POLR2D: variants seen among roughly 807,000 people sequenced by gnomAD.
POLR2D encodes DNA-directed RNA polymerase II subunit RPB4.
POLR2D carries 10 observed loss-of-function variants against 17.6 expected under a neutral mutation model. The observed-to-expected ratio is 0.57, with a 90% CI of 0.35 to 0.96. The LOEUF (loss-of-function observed/expected upper bound fraction) is 0.96. Ranked by LOEUF, POLR2D falls within the 40% of genes least tolerant of loss-of-function variation. The pLI, the probability that POLR2D is intolerant of heterozygous loss-of-function variation, is 0.02. For synonymous variants in POLR2D, 52 were observed against 60.2 expected (o/e 0.86, Z 0.63); for missense variants, 126 against 176.4 (o/e 0.71, Z 1.62).
chr2:127,850,651 A>G lies in POLR2D; in HGVS notation c.289T>C (p.Leu97=), dbSNP rs150162073. Residue 97 remains leucine, a synonymous_variant, in exon 3 of 4, where the codon TTG becomes CTG. Coordinates refer to ENST00000272645, the MANE Select transcript of POLR2D (RefSeq NM_004805.4). ...LLQKKLHKFE[L]ACLANLCPET... ...GGGCAAAGGTTGGCCAAACAGGCCAACTCAAACTTATGAAGCTTTTTCTGG... is the reference window on the plus strand; with the variant it reads ...GGGCAAAGGTTGGCCAAACAGGCCAGCTCAAACTTATGAAGCTTTTTCTGG... 142 of 1,587,454 alleles carry G rather than the reference A, an allele frequency of 8.9e-5. No individual in the cohort carries two copies. The highest frequency in any genetic ancestry group is 1.2e-4 in the Non-Finnish European group (137 of 1,165,200).
chr2:127,847,847 C>T lies in POLR2D; in HGVS notation c.*260G>A, dbSNP rs896962666. 1.4e-5 allele frequency: 7 copies of T among 492,924 alleles called. No homozygotes were observed. 30.5% of individuals were successfully genotyped at this position (492,924 alleles called of 1,614,324 possible). A position where few individuals can be genotyped will look rare whatever the true frequency, so the allele number is the denominator to read the frequency against. ...GGTAGTCAACAGTGTGGTTATGTGA[C>T]CCCTCATCTCACACTTCGCAGAGGC... On this transcript the variant is annotated 3_prime_UTR_variant, in exon 4 of 4. Transcript: ENST00000272645.
In POLR2D at chr2:127,850,703, A is replaced by G; in HGVS notation, c.255-18T>C. On this transcript the variant is annotated intron_variant, in intron 2 of 3. Transcript: ENST00000272645. ...GTAGCAAGCTAATCAAAAGGAAAAA[A>G]AAAAAATCAAAATAATCAAAAACAA... The G allele has an allele frequency of 1.7e-6, 2 of 1,148,622 alleles. No individual in the cohort carries two copies. The highest frequency in any genetic ancestry group is 2.6e-6 in the Non-Finnish European group (2 of 781,218). 71.2% of individuals were successfully genotyped at this position (1,148,622 alleles called of 1,614,324 possible).
At chr2:127,848,253 G>A (rs1212418656) in intron 3 of POLR2D, 68 bp from the exon 4 acceptor site, 20 of 953,302 alleles carry the variant, frequency 2.1e-5, no homozygotes, top group Admixed American at 1.2e-4. Flanking sequence ...TCTTTGAGGC[G>A]TGCTAATCTA....
intron 3 of POLR2D, among the ~76,000 whole-genome samples, chr2:127,849,328 A>G (rs1690208797): frequency 6.6e-6 from 1 of 152,168 alleles, no homozygotes; most frequent in South Asian, 2.1e-4. Context: ...GGCTTAAACC[A>G]CTGCGCCCAG....
At chr2:127,855,643 C>A (rs1216098829) in intron 1 of POLR2D, among the ~76,000 whole-genome samples, 1 of 152,148 alleles carries the variant, frequency 6.6e-6, no homozygotes, top group East Asian at 1.9e-4. Flanking sequence ...TACCACAGAG[C>A]TTTTGGGAGG....
At position 127,844,028 on chromosome 2, in the gene POLR2D, T is replaced by C. The variant is rs12692069; in HGVS notation, c.*4079A>G. Reference sequence around the variant, plus strand: ...CTGAGGTGGGATGATCGCTGGAGAGTGGGAGATTGAGGCTGCAGTGAACCT... The same window carrying C: ...CTGAGGTGGGATGATCGCTGGAGAGCGGGAGATTGAGGCTGCAGTGAACCT... On this transcript the variant is annotated 3_prime_UTR_variant, in exon 4 of 4. Coordinates refer to ENST00000272645, the MANE Select transcript of POLR2D (RefSeq NM_004805.4). 0.55 allele frequency: 82,411 copies of C among 148,692 alleles called. 23,172 individuals are homozygous for C. The highest frequency in any genetic ancestry group is 0.72 in the South Asian group (3,393 of 4,694). The allele number at this position is 148,692 out of a possible 1,614,324, so 9.2% of individuals were successfully genotyped here.
In POLR2D at chr2:127,858,064, C is replaced by A. The variant is rs755372179; in HGVS notation, c.37G>T (p.Val13Leu). 33 of 1,552,930 alleles carry A rather than the reference C, an allele frequency of 2.1e-5. No individual in the cohort carries two copies. Among genetic ancestry groups the A allele is most frequent in the Non-Finnish European group, 2.6e-6 (3 of 1,153,502 alleles). The change falls in exon 1 of 4, where the codon GTA becomes TTA. Residue 13 changes from valine (V) to leucine (L), a missense_variant. Around this residue, in one of 2 missense-constraint regions of POLR2D, gnomAD observed 41 missense variants for 24.9 expected, o/e 1.64. Transcript: ENST00000272645. Reference protein sequence around the residue: ...AGGSDPRAGDVEEDASQLIFP... With the variant: ...AGGSDPRAGDLEEDASQLIFP... ...ATGAGCTGTGAGGCGTCCTCCTCTA[C>A]GTCGCCAGCCCGCGGATCGCTGCCA...
At chr2:127,856,889 A>G (rs1690343227) in intron 1 of POLR2D, 1 of 152,100 alleles carries the variant, frequency 6.6e-6, no homozygotes, top group Non-Finnish European at 1.5e-5. Context: ...TACAAAAATT[A>G]GCCGGGTGTG....
At chr2:127,849,347 TC>T (rs1690209064) in intron 3 of POLR2D, among the ~76,000 whole-genome samples, 1 of 152,026 alleles carries the variant, frequency 6.6e-6, no homozygotes, top group Non-Finnish European at 1.5e-5. Context: ...AGCCCAGAGT[TC>T]TTTAATAAGC....
chr2:127,855,836 A>C (rs1690319916), intron 1 of POLR2D, among the ~76,000 whole-genome samples: 1 of 152,236 alleles, frequency 6.6e-6, no homozygotes, highest in Non-Finnish European at 1.5e-5. Context: ...TTATTTAGAA[A>C]CAAAAGGAAA....
Position 127,853,093 on chromosome 2 carries a change from G to C in POLR2D, c.86C>G (p.Ala29Gly). The C allele has an allele frequency of 1.2e-6, 2 of 1,610,846 alleles. No homozygotes were observed. The highest frequency in any genetic ancestry group is 1.7e-6 in the Non-Finnish European group (2 of 1,178,880). ...AACTTCTGAATTTAGAAGTGTCTCA[G>C]CTGTTTCAAACTCTATTTGTAAGAA... ...QLIFPKEFET[A>G]ETLLNSEVHM... Residue 29 changes from alanine (A) to glycine (G), a missense_variant, in exon 2 of 4, where the codon GCT becomes GGT. Physicochemically the swap from Ala to Gly is moderately conservative, Grantham distance 60 (BLOSUM62 0). This residue lies in a region of POLR2D where 85 missense variants were observed against 151.4 expected (regional missense o/e 0.56). Coordinates refer to ENST00000272645, the MANE Select transcript of POLR2D (RefSeq NM_004805.4).
At chr2:127,857,993 G>A in intron 1 of POLR2D, 35 bp downstream of exon 1, 1 of 1,572,704 alleles carries the variant, frequency 6.4e-7, no homozygotes, top group Non-Finnish European at 8.6e-7. Context: ...ACCACGCGAA[G>A]TGGCGCGGGG....
Position 127,858,058 on chromosome 2 carries a change from C to G in POLR2D, c.43G>C (p.Glu15Gln). 6.4e-7 allele frequency: 1 copy of G among 1,561,906 alleles called. No homozygotes were observed. Among genetic ancestry groups the G allele is most frequent in the African/African-American group, 1.4e-5 (1 of 70,582 alleles). Reference sequence around the variant, plus strand: ...GGAAAGATGAGCTGTGAGGCGTCCTCCTCTACGTCGCCAGCCCGCGGATCG... The same window carrying G: ...GGAAAGATGAGCTGTGAGGCGTCCTGCTCTACGTCGCCAGCCCGCGGATCG... ...GSDPRAGDVE[E>Q]DASQLIFPKE... is the part of the protein sequence containing the mutation. Residue 15 changes from glutamate (E) to glutamine (Q), a missense_variant, in exon 1 of 4, where the codon GAG becomes CAG. Around this residue, in one of 2 missense-constraint regions of POLR2D, gnomAD observed 41 missense variants for 24.9 expected, o/e 1.64. Coordinates refer to ENST00000272645, the MANE Select transcript of POLR2D (RefSeq NM_004805.4).
At chr2:127,857,809 G>A (rs546560309) in intron 1 of POLR2D, 14 of 1,314,126 alleles carry the variant, frequency 1.1e-5, no homozygotes, top group African/African-American at 3.1e-5. Context: ...CAGGTCCCCG[G>A]AACTTCGCAG....
At chr2:127,848,692 A>AT in intron 3 of POLR2D, among the ~76,000 whole-genome samples, 1 of 151,120 alleles carries the variant, frequency 6.6e-6, no homozygotes, top group African/African-American at 2.4e-5. Context: ...AATTTTTTGT[A>AT]TTTTTAGTAG....
intron 1 of POLR2D, among the ~76,000 whole-genome samples, chr2:127,855,770 T>C (rs1272998318): frequency 1.3e-5 from 2 of 151,842 alleles, no homozygotes; most frequent in Admixed American, 1.3e-4. Context: ...CCAAGGAACA[T>C]TTTCAAGTGA....
intron 3 of POLR2D, among the ~76,000 whole-genome samples, chr2:127,848,827 A>G (rs1690197957): frequency 6.6e-6 from 1 of 150,742 alleles, no homozygotes; most frequent in Admixed American, 6.6e-5. Flanking sequence ...TCACCCAGCT[A>G]ATTTTTATAT....
intron 2 of POLR2D, among the ~76,000 whole-genome samples, chr2:127,851,932 AG>A (rs1156604314): frequency 6.6e-6 from 1 of 152,194 alleles, no homozygotes; most frequent in Admixed American, 6.5e-5. Flanking sequence ...CTGGGACTAC[AG>A]GCATGCGCTA....
At chr2:127,848,952 G>T (rs920229363) in intron 3 of POLR2D, among the ~76,000 whole-genome samples, 1 of 151,568 alleles carries the variant, frequency 6.6e-6, no homozygotes. Flanking sequence ...GAGCCACCAC[G>T]CCCGGCCCTG....
Sources: allele counts gnomAD v4.1 joint callset (sites outside exome capture counted in the v4.1 genomes callset), GRCh38; gene constraint gnomAD v4.1.1; regional missense constraint gnomAD v4.1.1; transcripts MANE v1.5; gene names NCBI Gene and HGNC (gene_info 2026-07-23, HGNC 2026-07-21).